The following SH3GL2 variants were observed in gnomAD, a reference collection of about 807,000 sequenced individuals.
SH3GL2 encodes the protein SH3 domain containing GRB2 like 2, endophilin A1, also known as endophilin-A1.
Under a neutral mutation model 46.0 loss-of-function variants are expected in SH3GL2, and 24 were observed. The ratio of observed to expected loss-of-function variants is 0.52; its 90% CI spans 0.38 to 0.73. SH3GL2 has a LOEUF of 0.73. Among genes scored for constraint, SH3GL2 ranks in the 30% least tolerant of loss-of-function variants. SH3GL2 has a pLI of 0.00. For missense variants in SH3GL2, 413 were observed against 424.2 expected (o/e 0.97, Z 0.23); for synonymous variants, 196 against 147.1 (o/e 1.33, Z -2.40).
intron 1 of SH3GL2, among the ~76,000 whole-genome samples, chr9:17,635,762 G>A (rs1819528377): frequency 6.6e-6 from 1 of 152,142 alleles, no homozygotes; most frequent in South Asian, 2.1e-4. Context: ...ATGCCCCCAG[G>A]GGTTCAGGCA....
rs1015983383 is a variant in SH3GL2, at chr9:17,642,265, TG to T, written c.45+62979del. 6.1e-4 allele frequency among the ~76,000 whole-genome samples: 93 copies of T among 152,342 alleles called. 1 individual carries two copies. The highest frequency in any genetic ancestry group is 1.0e-3 in the Admixed American group (16 of 15,300). Reference sequence around the variant, plus strand: ...TTGTTGATTATGGATATTAGCCCTTTGTCAGATGGATAGATTGCAAAAATTT... The same window carrying T: ...TTGTTGATTATGGATATTAGCCCTTTTCAGATGGATAGATTGCAAAAATTT... On this transcript the variant is annotated intron_variant, in intron 1 of 8. Coordinates refer to ENST00000380607, the MANE Select transcript of SH3GL2 (RefSeq NM_003026.5).
chr9:17,603,687 C>G (rs997511087), intron 1 of SH3GL2, among the ~76,000 whole-genome samples: 3 of 152,052 alleles, frequency 2.0e-5, no homozygotes, highest in Non-Finnish European at 2.9e-5. Context: ...ATGGAGAAAC[C>G]CCATCTCTAT....
chr9:17,618,511 A>T (rs1213563437), intron 1 of SH3GL2, among the ~76,000 whole-genome samples: 10 of 152,198 alleles, frequency 6.6e-5, no homozygotes, highest in Non-Finnish European at 1.5e-4. Flanking sequence ...AACGCTGGAA[A>T]ATGTGACGTT....
intron 1 of SH3GL2, among the ~76,000 whole-genome samples, chr9:17,690,175 C>T (rs3780233): frequency 0.41 from 61,590 of 151,788 alleles, 13,000 homozygotes; most frequent in South Asian, 0.57. Context: ...ATGTCTACAC[C>T]CCCACAATAT....
intron 2 of SH3GL2, among the ~76,000 whole-genome samples, chr9:17,754,501 G>A (rs1170152171): frequency 4.0e-5 from 6 of 151,826 alleles, no homozygotes; most frequent in Non-Finnish European, 8.8e-5. Context: ...GTGAAACCCT[G>A]ACTCTACTAA....
intron 1 of SH3GL2, among the ~76,000 whole-genome samples, chr9:17,668,306 G>A (rs1820392932): frequency 6.6e-6 from 1 of 152,178 alleles, no homozygotes; most frequent in Non-Finnish European, 1.5e-5. Context: ...AAAGTGTGTG[G>A]TAGGTGTCCA....
chr9:17,611,703 C>T (rs899838485), intron 1 of SH3GL2, among the ~76,000 whole-genome samples: 3 of 152,166 alleles, frequency 2.0e-5, no homozygotes, highest in African/African-American at 7.2e-5. Flanking sequence ...TAACTTTGGT[C>T]ACTGCAGTCT....
chr9:17,721,659 A>G (rs986034819), intron 1 of SH3GL2, among the ~76,000 whole-genome samples: 1 of 152,090 alleles, frequency 6.6e-6, no homozygotes, highest in African/African-American at 2.4e-5. Flanking sequence ...CTATGCATGC[A>G]CTTACCATAC....
intron 1 of SH3GL2, among the ~76,000 whole-genome samples, chr9:17,723,088 T>G (rs1821935895): frequency 6.6e-6 from 1 of 152,142 alleles, no homozygotes; most frequent in Non-Finnish European, 1.5e-5. Flanking sequence ...AGAAAAATGT[T>G]TTCCAGATGC....
intron 1 of SH3GL2, among the ~76,000 whole-genome samples, chr9:17,669,275 C>T (rs142451312): frequency 6.6e-6 from 1 of 152,224 alleles, no homozygotes; most frequent in African/African-American, 2.4e-5. Context: ...TTGCAGTTTA[C>T]TTGAACTCAT....
intron 1 of SH3GL2, among the ~76,000 whole-genome samples, chr9:17,744,692 A>G (rs906360981): frequency 1.3e-5 from 2 of 152,036 alleles, no homozygotes; most frequent in Non-Finnish European, 2.9e-5. Flanking sequence ...CTGAATTCTA[A>G]CCCCCGCACC....
chr9:17,580,840 C>T (rs916697529), intron 1 of SH3GL2, among the ~76,000 whole-genome samples: 4 of 152,200 alleles, frequency 2.6e-5, no homozygotes, highest in Non-Finnish European at 5.9e-5. Flanking sequence ...ACTGCGTTTA[C>T]CAACACATCT....
At position 17,789,916 on chromosome 9, in the gene SH3GL2, T is replaced by C. The variant is rs562882267; in HGVS notation, c.624+366T>C. 1.2e-4 allele frequency: 33 copies of C among 269,442 alleles called. No individual in the cohort carries two copies. The South Asian group carries it at 4.3e-3, about 35-fold the overall frequency. 16.7% of individuals were successfully genotyped at this position (269,442 alleles called of 1,614,324 possible). A position where few individuals can be genotyped will look rare whatever the true frequency, so the allele number is the denominator to read the frequency against. The stretch of plus-strand genomic sequence containing the variant: ...AGGTATGGTTTCTACTGAGCACATA[T>C]CAATTTTGCACCATCATAAAGCCTA... On this transcript the variant is annotated intron_variant, in intron 6 of 8. Transcript: ENST00000380607.
intron 1 of SH3GL2, among the ~76,000 whole-genome samples, chr9:17,630,858 C>T (rs567377542): frequency 1.3e-5 from 2 of 152,100 alleles, no homozygotes; most frequent in African/African-American, 4.8e-5. Flanking sequence ...GTTTTATGGG[C>T]AAGGTGGGGC....
At chr9:17,675,391 T>C (rs1210914666) in intron 1 of SH3GL2, among the ~76,000 whole-genome samples, 1 of 152,206 alleles carries the variant, frequency 6.6e-6, no homozygotes, top group African/African-American at 2.4e-5. Flanking sequence ...TGAGATAAAG[T>C]AGTGCTGTGA....
intron 1 of SH3GL2, among the ~76,000 whole-genome samples, chr9:17,709,426 G>T (rs752416098): frequency 6.6e-6 from 1 of 151,886 alleles, no homozygotes; most frequent in African/African-American, 2.4e-5. Flanking sequence ...ACATAAATGT[G>T]TGATACCCCT....
At chr9:17,720,202 A>T (rs1004283934) in intron 1 of SH3GL2, among the ~76,000 whole-genome samples, 1 of 152,154 alleles carries the variant, frequency 6.6e-6, no homozygotes, top group Non-Finnish European at 1.5e-5. Flanking sequence ...GTTGTCCCAA[A>T]AGAGAATTAA....
intron 1 of SH3GL2, among the ~76,000 whole-genome samples, chr9:17,742,389 C>A (rs190818182): frequency 1.2e-4 from 19 of 152,232 alleles, no homozygotes; most frequent in African/African-American, 4.6e-4. Flanking sequence ...TGGTGGTCCT[C>A]TTTGACATTT....
intron 1 of SH3GL2, among the ~76,000 whole-genome samples, chr9:17,716,264 T>C (rs1318553189): frequency 1.3e-5 from 2 of 152,150 alleles, no homozygotes; most frequent in Non-Finnish European, 2.9e-5. Flanking sequence ...TTGTACGATA[T>C]TGTGAATTTT....
Sources: allele counts gnomAD v4.1 joint callset (sites outside exome capture counted in the v4.1 genomes callset), GRCh38; gene constraint gnomAD v4.1.1; transcripts MANE v1.5; gene names NCBI Gene and HGNC (gene_info 2026-07-23, HGNC 2026-07-21).